Variants in CACNA1A observed in about 807,000 individuals in gnomAD.
CACNA1A encodes voltage-dependent P/Q-type calcium channel subunit alpha-1A.
CACNA1A carries 57 observed loss-of-function variants against 262.4 expected under a neutral mutation model. That is an observed-to-expected ratio of 0.22 (90% CI 0.18 to 0.27). The LOEUF is 0.27. Among genes scored for constraint, CACNA1A ranks in the 10% least tolerant of loss-of-function variants. The pLI, the probability that CACNA1A is intolerant of heterozygous loss-of-function variation, is 1.00. For missense variants in CACNA1A, 2,526 were observed against 3,562.8 expected (o/e 0.71, Z 7.41); for synonymous variants, 1,431 against 1,419.3 (o/e 1.01, Z -0.18).
intron 1 of CACNA1A, among the ~76,000 whole-genome samples, chr19:13,496,092 CCAGA>C (rs1377343252): frequency 4.2e-5 from 5 of 117,662 alleles, no homozygotes; most frequent in Non-Finnish European, 8.0e-5. Context: ...ATCCATCCAC[CCAGA>C]CATCCAACAC....
chr19:13,228,844 C>T, intron 36 of CACNA1A: 2 of 1,086,040 alleles, frequency 1.8e-6, no homozygotes, highest in Non-Finnish European at 2.7e-6. Context: ...TTCACACGGG[C>T]TCCCTGGGCA....
intron 1 of CACNA1A, among the ~76,000 whole-genome samples, chr19:13,458,339 A>C (rs2061053287): frequency 6.6e-6 from 1 of 151,458 alleles, no homozygotes. Context: ...TTTTTTTTGT[A>C]AGAGACAGAG....
intron 24 of CACNA1A, among the ~76,000 whole-genome samples, chr19:13,268,946 G>C (rs571570234): frequency 7.3e-6 from 1 of 137,098 alleles, no homozygotes. Flanking sequence ...TTGCCAGGCT[G>C]CCTCAGCCTT....
At chr19:13,388,646 T>C (rs2059660601) in intron 3 of CACNA1A, among the ~76,000 whole-genome samples, 1 of 152,140 alleles carries the variant, frequency 6.6e-6, no homozygotes, top group South Asian at 2.1e-4. Context: ...TTACCTTTGG[T>C]CTGTATGACG....
chr19:13,395,403 C>G (rs1483853046), intron 3 of CACNA1A, among the ~76,000 whole-genome samples: 1 of 148,698 alleles, frequency 6.7e-6, no homozygotes. Flanking sequence ...TTGAGGTCAG[C>G]AGTTTGAGAC....
intron 27 of CACNA1A, chr19:13,258,616 A>G (rs960686387): frequency 6.6e-6 from 1 of 152,400 alleles, no homozygotes; most frequent in South Asian, 2.1e-4. Flanking sequence ...GGTTAGCATT[A>G]TTCCCACATG....
rs549540900 is a variant in CACNA1A at position 13,280,087 on chromosome 19, T to C, written c.3823-2959A>G. ...GCCTCCCAAAGGGTCACTGTGTTTA[T>C]TGTCCAATAAACATTCAAGCTGCAT... On this transcript the variant is annotated intron_variant, in intron 22 of 46. Coordinates refer to ENST00000360228, the MANE Select transcript of CACNA1A (RefSeq NM_001127222.2). Among the ~76,000 whole-genome samples, 16 of 152,308 alleles carry C rather than the reference T, an allele frequency of 1.1e-4. No individual in the cohort carries two copies. In the East Asian group the frequency reaches 1.4e-3, roughly 13 times the overall value.
intron 3 of CACNA1A, among the ~76,000 whole-genome samples, chr19:13,426,393 T>C (rs1302092512): frequency 6.6e-6 from 1 of 152,106 alleles, no homozygotes; most frequent in Non-Finnish European, 1.5e-5. Context: ...GTCTGAGCCA[T>C]TTTTGGCTGC....
intron 24 of CACNA1A, among the ~76,000 whole-genome samples, chr19:13,265,592 T>G (rs1274456291): frequency 6.6e-6 from 1 of 152,204 alleles, no homozygotes; most frequent in Non-Finnish European, 1.5e-5. Flanking sequence ...CTGAGATAAT[T>G]TTAGGCAGAA....
chr19:13,442,495 T>TA (rs1436892368), intron 3 of CACNA1A, among the ~76,000 whole-genome samples: 1 of 152,188 alleles, frequency 6.6e-6, no homozygotes, highest in African/African-American at 2.4e-5. Flanking sequence ...CAGGTGAACT[T>TA]AGACGTAAGC....
chr19:13,228,935 C>A, intron 36 of CACNA1A: 1 of 479,504 alleles, frequency 2.1e-6, no homozygotes, highest in Non-Finnish European at 3.8e-6. Context: ...TGAAGGTCCC[C>A]AGTACATTCC....
In CACNA1A at chr19:13,400,800, C is replaced by T. The variant is rs117554198; in HGVS notation, c.540-29021G>A. On this transcript the variant is annotated intron_variant, in intron 3 of 46. Coordinates refer to ENST00000360228, the MANE Select transcript of CACNA1A (RefSeq NM_001127222.2). ...GCCCCCAAAGTCATCAGTGCTGTGG[C>T]GGAGAAACTCTGACCTAGAACCCAG... is the stretch of plus-strand genomic sequence containing the variant. Among the ~76,000 whole-genome samples, 1,013 of 152,214 alleles carry T rather than the reference C, an allele frequency of 6.7e-3. 5 individuals carry two copies. The highest frequency in any genetic ancestry group is 0.011 in the Non-Finnish European group (724 of 68,010).
intron 1 of CACNA1A, among the ~76,000 whole-genome samples, chr19:13,486,579 G>A (rs574604316): frequency 6.6e-6 from 1 of 152,278 alleles, no homozygotes; most frequent in African/African-American, 2.4e-5. Context: ...GCAAGACGGC[G>A]AGGGTAAGGA....
At chr19:13,254,698 C>T (rs906858757) in intron 29 of CACNA1A, among the ~76,000 whole-genome samples, 1 of 152,152 alleles carries the variant, frequency 6.6e-6, no homozygotes, top group Non-Finnish European at 1.5e-5. Flanking sequence ...TAGAGAGCTT[C>T]TTGTTCCGTC....
intron 3 of CACNA1A, among the ~76,000 whole-genome samples, chr19:13,402,345 G>A (rs1415458831): frequency 6.6e-6 from 1 of 152,134 alleles, no homozygotes; most frequent in African/African-American, 2.4e-5. Context: ...AAGAATGTGG[G>A]TGAGTAAAAT....
intron 19 of CACNA1A, among the ~76,000 whole-genome samples, chr19:13,292,394 C>T (rs1017693633): frequency 2.0e-5 from 3 of 152,108 alleles, no homozygotes; most frequent in African/African-American, 4.8e-5. Context: ...GGGAGGATCG[C>T]TTGAACCCAG....
intron 1 of CACNA1A, among the ~76,000 whole-genome samples, chr19:13,466,348 T>C (rs2061238647): frequency 1.3e-5 from 2 of 148,960 alleles, no homozygotes; most frequent in Admixed American, 1.4e-4. Flanking sequence ...TAAGACGGAG[T>C]CTTGCACCTA....
rs745609731 is a variant in CACNA1A, at chr19:13,209,355, G to A, written c.6483C>T (p.Arg2161=). ...HHQRRRDRSH[R]ASERSLGRYT... is the part of the protein sequence containing the mutation. The stretch of plus-strand genomic sequence containing the variant: ...AGCGGCCCAGGGAGCGCTCAGAGGC[G>A]CGGTGGCTGCGGTCGCGGCGCCGCT... Residue 2161 remains arginine (R), a synonymous_variant, in exon 45 of 47, where the codon CGC becomes CGT. Transcript: ENST00000360228. 1.0e-4 allele frequency: 144 copies of A among 1,389,774 alleles called. No individual in the cohort carries two copies. Among genetic ancestry groups the A allele is most frequent in the Non-Finnish European group, 1.2e-4 (130 of 1,067,550 alleles). 86.1% of individuals were successfully genotyped at this position (1,389,774 alleles called of 1,614,324 possible).
intron 3 of CACNA1A, among the ~76,000 whole-genome samples, chr19:13,415,153 A>C (rs1267307087): frequency 6.6e-6 from 1 of 151,988 alleles, no homozygotes; most frequent in African/African-American, 2.4e-5. Flanking sequence ...CAGAGGCTTC[A>C]GAGTAGGAAT....
Sources: gnomAD v4.1 joint callset for allele counts (sites outside exome capture counted in the v4.1 genomes callset) on GRCh38, gnomAD v4.1.1 for gene constraint, MANE v1.5 for transcripts, NCBI Gene and HGNC (gene_info 2026-07-23, HGNC 2026-07-21) for gene names.